The following SYTL3 variants were observed in gnomAD, a reference collection of about 807,000 sequenced individuals.
SYTL3 encodes the protein synaptotagmin-like protein 3.
Under a neutral mutation model 82.1 loss-of-function variants are expected in SYTL3, and 88 were observed. That is an observed-to-expected ratio of 1.07 (90% CI 0.90 to 1.28). The LOEUF (loss-of-function observed/expected upper bound fraction) is 1.28, where lower values mean the gene tolerates loss of function less well. Ranked by LOEUF, SYTL3 falls within the 50% of genes most tolerant of loss-of-function variation. The pLI is 0.00. For synonymous variants in SYTL3, 311 were observed against 289.4 expected (o/e 1.07, Z -0.76); for missense variants, 831 against 757.6 (o/e 1.10, Z -1.14).
At chr6:158,699,337 T>C (rs1780903766) in intron 6 of SYTL3, among the ~76,000 whole-genome samples, 2 of 151,990 alleles carry the variant, frequency 1.3e-5, no homozygotes, top group South Asian at 2.1e-4. Context: ...ACTGGTATGG[T>C]TGGGGGTTAG....
intron 5 of SYTL3, 90 bp from the exon 6 acceptor site, chr6:158,682,835 T>G (rs1346422998): frequency 2.1e-6 from 2 of 934,690 alleles, no homozygotes; most frequent in African/African-American, 3.3e-5. Flanking sequence ...AGACTAATAT[T>G]TTGTGACCTT....
intron 13 of SYTL3, among the ~76,000 whole-genome samples, chr6:158,753,901 G>A (rs1044292951): frequency 1.3e-5 from 2 of 151,346 alleles, no homozygotes; most frequent in Admixed American, 6.6e-5. Context: ...TAAAATAATC[G>A]GCATCTCTAA....
intron 11 of SYTL3, 154 bp downstream of exon 11, chr6:158,725,791 A>C: frequency 9.4e-7 from 1 of 1,063,478 alleles, no homozygotes; most frequent in Non-Finnish European, 1.4e-6. Flanking sequence ...CCATTCCTTA[A>C]AGGCTTCCAC....
At chr6:158,716,553 T>C (rs1783455039) in intron 9 of SYTL3, among the ~76,000 whole-genome samples, 1 of 152,174 alleles carries the variant, frequency 6.6e-6, no homozygotes, top group Non-Finnish European at 1.5e-5. Context: ...CCCCAGTGTT[T>C]CTTGATGGTC....
intron 6 of SYTL3, among the ~76,000 whole-genome samples, chr6:158,691,538 G>A (rs965071871): frequency 4.6e-5 from 7 of 151,774 alleles, no homozygotes; most frequent in African/African-American, 1.7e-4. Flanking sequence ...CCCTCTTCTG[G>A]CTCCTCCCTG....
intron 3 of SYTL3, 134 bp from the exon 4 acceptor site, chr6:158,662,616 T>A (rs887526565): frequency 3.9e-5 from 6 of 152,246 alleles, no homozygotes; most frequent in African/African-American, 9.6e-5. Flanking sequence ...TTTAAGCAAA[T>A]TTAAAATTTT....
chr6:158,646,199 T>C (rs1787443526), upstream of SYTL3, among the ~76,000 whole-genome samples: 1 of 152,116 alleles, frequency 6.6e-6, no homozygotes, highest in Non-Finnish European at 1.5e-5. Flanking sequence ...TGATCGGAGA[T>C]TTTGAGCTAA....
At chr6:158,737,772 C>T (rs1460713716) in intron 11 of SYTL3, among the ~76,000 whole-genome samples, 2 of 152,328 alleles carry the variant, frequency 1.3e-5, no homozygotes, top group East Asian at 1.9e-4. Flanking sequence ...TGGGAAGGAA[C>T]GCATTTGATG....
chr6:158,725,987 C>T (rs1451288065), intron 11 of SYTL3: 6 of 663,492 alleles, frequency 9.0e-6, no homozygotes, highest in East Asian at 3.5e-5. Context: ...GTTGGAGCTG[C>T]GTTAGGCATG....
chr6:158,703,983 G>A (rs1472200146), intron 6 of SYTL3, among the ~76,000 whole-genome samples: 9 of 151,502 alleles, frequency 5.9e-5, no homozygotes, highest in Non-Finnish European at 1.3e-4. Context: ...CCTCATGCCC[G>A]GCTAGGCTAA....
At chr6:158,707,865 T>C (rs749537960) in intron 7 of SYTL3, among the ~76,000 whole-genome samples, 2 of 152,212 alleles carry the variant, frequency 1.3e-5, no homozygotes, top group Non-Finnish European at 2.9e-5. Flanking sequence ...ATCGAGACTT[T>C]TTCATTTTTT....
At chr6:158,727,720 G>C (rs1282002508) in intron 11 of SYTL3, among the ~76,000 whole-genome samples, 1 of 117,066 alleles carries the variant, frequency 8.5e-6, no homozygotes, top group Non-Finnish European at 1.7e-5. Context: ...GTCTCCCTCT[G>C]TTGCCCAGGC....
At chr6:158,725,778 C>T in intron 11 of SYTL3, 141 bp downstream of exon 11, 1 of 1,144,214 alleles carries the variant, frequency 8.7e-7, no homozygotes, top group Non-Finnish European at 1.3e-6. Context: ...ATTATCCATC[C>T]TTCCATTCCT....
chr6:158,759,147 C>T lies in SYTL3; in HGVS notation c.1309-1493C>T, dbSNP rs748849620. Reference sequence around the variant, plus strand: ...AGCACAGGGCTTGGCATAGGACAGGCGGCCACCAGGCCTCATCAGACTGAG... The same window carrying T: ...AGCACAGGGCTTGGCATAGGACAGGTGGCCACCAGGCCTCATCAGACTGAG... On this transcript the variant is annotated intron_variant, in intron 14 of 17. Coordinates refer to ENST00000611299, the MANE Select transcript of SYTL3 (RefSeq NM_001242394.2). Among the ~76,000 whole-genome samples, 169 of 152,210 alleles carry T rather than the reference C, an allele frequency of 1.1e-3. 1 individual carries two copies. The highest frequency in any genetic ancestry group is 8.3e-4 in the South Asian group (4 of 4,828).
At chr6:158,682,344 CTTAACA>C (rs1467429729) in intron 5 of SYTL3, among the ~76,000 whole-genome samples, 1 of 144,960 alleles carries the variant, frequency 6.9e-6, no homozygotes. Flanking sequence ...TGTTAATATG[CTTAACA>C]TTCACTTTTT....
intron 6 of SYTL3, among the ~76,000 whole-genome samples, chr6:158,704,828 CTG>C (rs1253862686): frequency 1.2e-4 from 17 of 141,766 alleles, no homozygotes; most frequent in African/African-American, 4.2e-4. Context: ...ACAGTGAGGG[CTG>C]TAAGGCCACA....
chr6:158,748,921 C>T lies in SYTL3; in HGVS notation c.1035-3007C>T, dbSNP rs527695184. 2.2e-4 allele frequency among the ~76,000 whole-genome samples: 34 copies of T among 151,850 alleles called. 1 individual carries two copies. The South Asian group carries it at 7.1e-3, about 32-fold the overall frequency. ...GAGACAACATGACAGCACTTGCAGA[C>T]ATTCAAGTATAATAAGGGGGTCAGG... On this transcript the variant is annotated intron_variant, in intron 12 of 17. Coordinates refer to ENST00000611299, the MANE Select transcript of SYTL3 (RefSeq NM_001242394.2).
At position 158,761,121 on chromosome 6, in the gene SYTL3, A is replaced by AT. The variant is rs775485301; in HGVS notation, c.1414+376_1414+377insT. 7.2e-5 allele frequency among the ~76,000 whole-genome samples: 11 copies of AT among 152,094 alleles called. No individual in the cohort carries two copies. The East Asian group carries it at 1.2e-3, about 16-fold the overall frequency. ...CACTGGTACCTGCAGGGCTCAGACGAGATAAATCCCCGCCCCCAGGCATGT... is the reference window on the plus strand; with the variant it reads ...CACTGGTACCTGCAGGGCTCAGACGATGATAAATCCCCGCCCCCAGGCATGT... On this transcript the variant is annotated intron_variant, in intron 15 of 17. Transcript: ENST00000611299.
chr6:158,737,038 G>GTA (rs1786269771), intron 11 of SYTL3, among the ~76,000 whole-genome samples: 1 of 110,262 alleles, frequency 9.1e-6, no homozygotes, highest in African/African-American at 4.0e-5. Context: ...ACATTTCATG[G>GTA]CAAAAAAAAA....
Sources: gnomAD v4.1 joint callset for allele counts (sites outside exome capture counted in the v4.1 genomes callset) on GRCh38, gnomAD v4.1.1 for gene constraint, MANE v1.5 for transcripts, NCBI Gene and HGNC (gene_info 2026-07-23, HGNC 2026-07-21) for gene names.